Variants in SLC12A7 observed in about 807,000 individuals in gnomAD.
SLC12A7 encodes the protein K-Cl cotransporter 4.
In SLC12A7, 100 loss-of-function variants were observed where a neutral mutation model predicts 120.6. The ratio of observed to expected loss-of-function variants is 0.83; its 90% CI spans 0.71 to 0.98. The LOEUF (loss-of-function observed/expected upper bound fraction) is 0.98, where lower values mean the gene tolerates loss of function less well. Among genes scored for constraint, SLC12A7 ranks in the 50% least tolerant of loss-of-function variants. SLC12A7 has a pLI of 0.00. For missense variants in SLC12A7, 1,373 were observed against 1,548.1 expected (o/e 0.89, Z 1.90); for synonymous variants, 760 against 678.0 (o/e 1.12, Z -1.88).
intron 3 of SLC12A7, among the ~76,000 whole-genome samples, chr5:1,092,966 G>A (rs545631359): frequency 2.2e-4 from 33 of 152,204 alleles, no homozygotes; most frequent in South Asian, 2.1e-3. Flanking sequence ...GAACCCTCCC[G>A]AGGATGCTCA....
the SLC12A7 span, among the ~76,000 whole-genome samples, chr5:1,130,419 G>A: frequency 6.7e-6 from 1 of 150,340 alleles, no homozygotes; most frequent in Non-Finnish European, 1.5e-5. Context: ...AGCTTGAGCT[G>A]TGGGAGGAAG....
At chr5:1,108,637 A>C (rs918235080) in intron 1 of SLC12A7, among the ~76,000 whole-genome samples, 1 of 152,168 alleles carries the variant, frequency 6.6e-6, no homozygotes, top group African/African-American at 2.4e-5. Flanking sequence ...CCCCTATCTA[A>C]TGCGTGATCC....
At chr5:1,064,950 A>AGATGGTGAGGGGACAGCGAG (rs1736845420) in intron 18 of SLC12A7, among the ~76,000 whole-genome samples, 3 of 91,392 alleles carry the variant, frequency 3.3e-5, no homozygotes, top group Non-Finnish European at 6.1e-5. Flanking sequence ...GGGACGGCGA[A>AGATGGTGAGGGGACAGCGAG]GAGATGGTGA....
the SLC12A7 span, among the ~76,000 whole-genome samples, chr5:1,153,338 C>A: frequency 1.3e-5 from 2 of 152,252 alleles, no homozygotes; most frequent in African/African-American, 4.8e-5. Flanking sequence ...AAGGCAACAC[C>A]TCCCTCCATG....
chr5:1,093,180 G>T (rs528853912), intron 3 of SLC12A7, among the ~76,000 whole-genome samples: 36 of 152,284 alleles, frequency 2.4e-4, no homozygotes, highest in African/African-American at 8.7e-4. Flanking sequence ...AGCACCCTCT[G>T]GAAGGGGCCA....
At position 1,078,708 on chromosome 5, in the gene SLC12A7, G is replaced by A. The variant is rs1477443322; in HGVS notation, c.1447C>T (p.Arg483Ter). 3.7e-6 allele frequency: 6 copies of A among 1,611,888 alleles called. No homozygotes were observed. The highest frequency in any genetic ancestry group is 1.7e-5 in the Admixed American group (1 of 59,900). ...FGACIEGVVL[R>*]DKFGEALQGN... The stretch of plus-strand genomic sequence containing the variant: ...CTGCAGGTGGAAACGTACTTATCTC[G>A]TAAGACCACGCCTTCAATGCAGGCC... Residue 483 changes from arginine (R) to a stop codon, truncating the protein, a stop_gained, in exon 11 of 24, where the codon CGA becomes TGA. Transcript: ENST00000264930. LOFTEE classifies it high-confidence loss of function.
At chr5:1,100,430 G>T (rs114679545) in intron 1 of SLC12A7, among the ~76,000 whole-genome samples, 5 of 152,210 alleles carry the variant, frequency 3.3e-5, no homozygotes, top group African/African-American at 1.2e-4. Context: ...CGATGGTCTC[G>T]CAGCAGCCCC....
At chr5:1,137,517 T>A in the SLC12A7 span, among the ~76,000 whole-genome samples, 160 of 152,222 alleles carry the variant, frequency 1.1e-3, 5 homozygotes, top group East Asian at 0.028. Flanking sequence ...TCCCTTCCCG[T>A]TGTCCACACC....
rs753969768 is a variant in SLC12A7 at position 1,083,754 on chromosome 5, C to T, written c.1120G>A (p.Val374Ile). The stretch of plus-strand genomic sequence containing the variant: ...GCCCTGTGAGCCTCACCCAGGAAGA[C>T]ACCACTGGCCGCGCCCGGGATGCCC... ...IQGIPGAASG[V>I]FLENLWSTYA... The change falls in exon 8 of 24, where the codon GTC becomes ATC. Residue 374 changes from valine (V) to isoleucine (I), a missense_variant. Physicochemically the swap from Val to Ile is conservative, Grantham distance 29. Transcript: ENST00000264930. 2.3e-5 allele frequency: 37 copies of T among 1,612,326 alleles called. No individual in the cohort carries two copies. The highest frequency in any genetic ancestry group is 8.3e-5 in the Admixed American group (5 of 59,992).
Position 1,052,185 on chromosome 5 carries a change from A to G in SLC12A7, c.*175T>C. 6.5e-6 allele frequency: 4 copies of G among 616,600 alleles called. No homozygotes were observed. The highest frequency in any genetic ancestry group is 1.2e-5 in the Non-Finnish European group (4 of 344,018). The allele number at this position is 616,600 out of a possible 1,614,324, so 38.2% of individuals were successfully genotyped here. On this transcript the variant is annotated 3_prime_UTR_variant, in exon 24 of 24. Coordinates refer to ENST00000264930, the MANE Select transcript of SLC12A7 (RefSeq NM_006598.3). ...TTTGCTGAGCCTGTTAAGGCTGAAC[A>G]GGAGAGCCCTAGGTGACGGGCCTAG...
rs749670849 is a variant in SLC12A7 at position 1,076,659 on chromosome 5, A to C, written c.1748+35T>G. 8 of 1,523,782 alleles carry C rather than the reference A, an allele frequency of 5.3e-6. No homozygotes were observed. In the African/African-American group the frequency reaches 1.1e-4, roughly 21 times the overall value. The allele number at this position is 1,523,782 out of a possible 1,614,324, so 94.4% of individuals were successfully genotyped here. A position where few individuals can be genotyped will look rare whatever the true frequency, so the allele number is the denominator to read the frequency against. On this transcript the variant is annotated intron_variant, in intron 13 of 23. Transcript: ENST00000264930. ...ACTGCCCCACGCTCCAGGCCCATAC[A>C]CCCATCCCCAGGTCCCCGTCCTGTG...
At chr5:1,122,682 G>A in the SLC12A7 span, among the ~76,000 whole-genome samples, 1 of 152,150 alleles carries the variant, frequency 6.6e-6, no homozygotes, top group Non-Finnish European at 1.5e-5. Context: ...CCTCCCAGGA[G>A]AGGATCAGAC....
chr5:1,050,837 C>A lies in SLC12A7; in HGVS notation c.*1523G>T. 2 of 398,648 alleles carry A rather than the reference C, an allele frequency of 5.0e-6. No individual in the cohort carries two copies. The highest frequency in any genetic ancestry group is 8.8e-6 in the Non-Finnish European group (2 of 226,070). 24.7% of individuals were successfully genotyped at this position (398,648 alleles called of 1,614,324 possible). ...GCTCTGGGCAGCAGCCGTCACTCTA[C>A]AGCAATGCCAGCCCTAGTCTGGCTC... On this transcript the variant is annotated 3_prime_UTR_variant, in exon 24 of 24. Coordinates refer to ENST00000264930, the MANE Select transcript of SLC12A7 (RefSeq NM_006598.3).
intron 8 of SLC12A7, 87 bp downstream of exon 8, chr5:1,083,658 G>T: frequency 7.2e-7 from 1 of 1,382,464 alleles, no homozygotes; most frequent in Non-Finnish European, 1.0e-6. Flanking sequence ...GGCCCTGAGA[G>T]TGACTCTAAG....
At chr5:1,152,160 A>C in the SLC12A7 span, among the ~76,000 whole-genome samples, 3 of 150,592 alleles carry the variant, frequency 2.0e-5, no homozygotes, top group South Asian at 2.1e-4. Flanking sequence ...CAGCCCCATC[A>C]CCTCCCAGCT....
chr5:1,073,411 G>A (rs1737925148), intron 17 of SLC12A7, among the ~76,000 whole-genome samples: 1 of 152,232 alleles, frequency 6.6e-6, no homozygotes, highest in Non-Finnish European at 1.5e-5. Flanking sequence ...GTTCGCCCTT[G>A]GAAAGCTAAT....
In SLC12A7 at chr5:1,110,822, G is replaced by A. The variant is rs376488240; in HGVS notation, c.124+1046C>T. The stretch of plus-strand genomic sequence containing the variant: ...GCTGAGACCACTCTTCGCCCGCCAC[G>A]GGGACCCTGATGACGCACCCCAGGC... On this transcript the variant is annotated intron_variant, in intron 1 of 23. Coordinates refer to ENST00000264930, the MANE Select transcript of SLC12A7 (RefSeq NM_006598.3). Among the ~76,000 whole-genome samples the A allele has an allele frequency of 5.9e-5, 9 of 152,350 alleles. No homozygotes were observed. In the East Asian group the frequency reaches 1.2e-3, roughly 20 times the overall value.
the SLC12A7 span, among the ~76,000 whole-genome samples, chr5:1,128,831 CAT>C: frequency 5.8e-4 from 88 of 152,336 alleles, 1 homozygote; most frequent in Non-Finnish European, 9.0e-4. Context: ...GAATGGATCA[CAT>C]GTTTGCATAC....
chr5:1,075,459 G>C lies in SLC12A7; in HGVS notation c.1879C>G (p.Leu627Val). Residue 627 changes from leucine to valine, a missense_variant, in exon 15 of 24, where the codon CTG (leucine) becomes GTG (valine). By Grantham distance (32) the Leu-to-Val change is conservative. Transcript: ENST00000264930. The part of the protein sequence containing the change: ...TLSFLGMSLC[L>V]ALMFICSWYY... ...CAGGAGCAGATGAACATCAGCGCCA[G>C]GCACAGGCTCATACCCAGAAAGGAC... 1.2e-6 allele frequency: 2 copies of C among 1,612,466 alleles called. No homozygotes were observed. Among genetic ancestry groups the C allele is most frequent in the African/African-American group, 1.3e-5 (1 of 75,066 alleles).
Sources: gnomAD v4.1 joint callset for allele counts (sites outside exome capture counted in the v4.1 genomes callset) on GRCh38, gnomAD v4.1.1 for gene constraint, MANE v1.5 for transcripts, NCBI Gene and HGNC (gene_info 2026-07-23, HGNC 2026-07-21) for gene names.